Variants in TMEM126B observed in about 807,000 individuals in gnomAD.
The protein encoded by TMEM126B is complex I assembly factor TMEM126B, mitochondrial.
A neutral mutation model predicts 16.5 loss-of-function variants in TMEM126B; 19 were observed. The observed-to-expected ratio is 1.15, with a 90% CI of 0.80 to 1.69. The LOEUF (loss-of-function observed/expected upper bound fraction) is 1.69. Among genes scored for constraint, TMEM126B ranks in the 40% most tolerant of loss-of-function variants. The probability of loss-of-function intolerance (pLI) is 0.00; values close to 1 mark genes in which losing one functional copy is unlikely to be tolerated. For missense variants in TMEM126B, 293 were observed against 278.7 expected (o/e 1.05, Z -0.37); for synonymous variants, 104 against 93.2 (o/e 1.12, Z -0.67).
Position 85,634,153 on chromosome 11 carries a change from T to C in TMEM126B, c.271T>C (p.Phe91Leu). The C allele has an allele frequency of 6.2e-7, 1 of 1,613,840 alleles. No individual in the cohort carries two copies. Among genetic ancestry groups the C allele is most frequent in the African/African-American group, 1.3e-5 (1 of 75,042 alleles). ...TGGTTTCTCTGGAATATTCTCAAAC[T>C]TCCTGTTCAGACGCTGCTTCAAGGT... ...TAGFSGIFSN[F>L]LFRRCFKVKH... Residue 91 changes from phenylalanine to leucine, a missense_variant, in exon 3 of 5, where the codon TTC becomes CTC. Phe to Leu is a conservative substitution (Grantham distance 22). Coordinates refer to ENST00000358867, the MANE Select transcript of TMEM126B (RefSeq NM_018480.7).
intron 1 of TMEM126B, chr11:85,631,372 T>G (rs2082293623): frequency 1.7e-6 from 2 of 1,154,208 alleles, no homozygotes; most frequent in Non-Finnish European, 2.2e-6. Flanking sequence ...GACCTTCAGT[T>G]TGCTCATATG....
rs1375964681 is a variant in TMEM126B, at chr11:85,636,181, T to C, written c.645T>C (p.His215=). Residue 215 remains histidine, a synonymous_variant, in exon 5 of 5, where the codon CAT becomes CAC. Transcript: ENST00000358867. The part of the protein sequence containing the change: ...IMFGILNGLY[H]YAVFEETLEK... ...TTGGAATATTAAATGGTCTATACCA[T>C]TATGCAGTATTTGAAGAGACACTTG... is the stretch of plus-strand genomic sequence containing the variant. 1.3e-6 allele frequency: 2 copies of C among 1,592,760 alleles called. No homozygotes were observed. Among genetic ancestry groups the C allele is most frequent in the East Asian group, 2.3e-5 (1 of 44,432 alleles).
chr11:85,629,784 C>G (rs1202586849), intron 1 of TMEM126B, among the ~76,000 whole-genome samples: 2 of 152,084 alleles, frequency 1.3e-5, no homozygotes, highest in Non-Finnish European at 2.9e-5. Context: ...TGTTACTATC[C>G]CTTATACTTT....
At chr11:85,629,173 G>T (rs1361010452) in intron 1 of TMEM126B, 1 of 1,255,620 alleles carries the variant, frequency 8.0e-7, no homozygotes, top group East Asian at 5.6e-5. Flanking sequence ...GATTCCTGAG[G>T]ATGGGATGAC....
intron 1 of TMEM126B, among the ~76,000 whole-genome samples, chr11:85,629,737 G>T (rs2082228608): frequency 6.6e-6 from 1 of 152,204 alleles, no homozygotes; most frequent in African/African-American, 2.4e-5. Context: ...AGATGTCTTA[G>T]TACAATAGAT....
intron 1 of TMEM126B, chr11:85,629,307 A>G (rs544421596): frequency 8.7e-7 from 1 of 1,151,732 alleles, no homozygotes; most frequent in East Asian, 5.8e-5. Context: ...AGGTAAAATA[A>G]TACACATGAA....
chr11:85,632,596 A>ATTATTTTATT (rs146901763), intron 2 of TMEM126B, among the ~76,000 whole-genome samples: 7 of 151,774 alleles, frequency 4.6e-5, no homozygotes, highest in African/African-American at 1.7e-4. Flanking sequence ...TCTTGGACAA[A>ATTATTTTATT]TTATTTTATT....
intron 2 of TMEM126B, among the ~76,000 whole-genome samples, chr11:85,632,890 G>A (rs534639022): frequency 6.6e-6 from 1 of 151,976 alleles, no homozygotes; most frequent in African/African-American, 2.4e-5. Context: ...CCATGCTGGT[G>A]TGCTGCACCC....
rs1279031028 is a variant in TMEM126B at position 85,631,014 on chromosome 11, A to G, written c.82-673A>G. 7.3e-6 allele frequency: 4 copies of G among 550,056 alleles called. No homozygotes were observed. The African/African-American group carries it at 7.8e-5, about 11-fold the overall frequency. The allele number at this position is 550,056 out of a possible 1,614,324, so 34.1% of individuals were successfully genotyped here. On this transcript the variant is annotated intron_variant, in intron 1 of 4. Coordinates refer to ENST00000358867, the MANE Select transcript of TMEM126B (RefSeq NM_018480.7). ...CACAGGTGGTAATAGGGAACTGGAT[A>G]TATAATTTATGTACTCCAAAGTAGT...
chr11:85,631,860 G>C, intron 2 of TMEM126B, 52 bp downstream of exon 2: 6 of 1,535,340 alleles, frequency 3.9e-6, no homozygotes, highest in Non-Finnish European at 5.3e-6. Context: ...CAAGTCTTTT[G>C]TATTGCCATT....
rs2082305840 is a variant in TMEM126B, at chr11:85,631,818, A to G, written c.203+10A>G. 3.1e-6 allele frequency: 5 copies of G among 1,588,562 alleles called. No individual in the cohort carries two copies. The highest frequency in any genetic ancestry group is 3.4e-6 in the Non-Finnish European group (4 of 1,174,640). ...ATCTTAGAAAAGAAATGTAAGAGAAATGCCCAGGCTGAAAATCAGTCATTT... is the reference window on the plus strand; with the variant it reads ...ATCTTAGAAAAGAAATGTAAGAGAAGTGCCCAGGCTGAAAATCAGTCATTT... On this transcript the variant is annotated intron_variant, in intron 2 of 4. Transcript: ENST00000358867.
At chr11:85,634,306 C>A (rs761483292) in intron 3 of TMEM126B, 27 bp downstream of exon 3, 1 of 1,541,464 alleles carries the variant, frequency 6.5e-7, no homozygotes, top group South Asian at 1.1e-5. Context: ...TAATGTATAA[C>A]GTAGTTATGT....
At chr11:85,633,003 C>T (rs2153307000) in intron 2 of TMEM126B, among the ~76,000 whole-genome samples, 1 of 152,188 alleles carries the variant, frequency 6.6e-6, no homozygotes, top group Non-Finnish European at 1.5e-5. Context: ...CTTCCTGTGT[C>T]CATGTGTTCT....
intron 2 of TMEM126B, among the ~76,000 whole-genome samples, chr11:85,633,778 T>C (rs940748551): frequency 2.6e-5 from 4 of 152,232 alleles, no homozygotes; most frequent in Admixed American, 2.6e-4. Context: ...TTGGCTGCAT[T>C]GGAACATATT....
chr11:85,631,185 G>A (rs1439084687), intron 1 of TMEM126B: 4 of 1,290,450 alleles, frequency 3.1e-6, no homozygotes, highest in Non-Finnish European at 4.0e-6. Context: ...AATCTTTCAT[G>A]AGAAACTGAG....
chr11:85,635,723 G>A lies in TMEM126B; in HGVS notation c.454G>A (p.Gly152Ser). The A allele has an allele frequency of 6.2e-7, 1 of 1,609,616 alleles. No individual in the cohort carries two copies. The highest frequency in any genetic ancestry group is 8.5e-7 in the Non-Finnish European group (1 of 1,178,916). Residue 152 changes from glycine to serine, a missense_variant, in exon 4 of 5, where the codon GGT becomes AGT. By Grantham distance (56) the Gly-to-Ser change is moderately conservative. Transcript: ENST00000358867. ...AAGCTCACTGATTGGCATAGTTTGT[G>A]GTGTTTTCTATCCCAGTTCTTTGGC... ...FRSSLIGIVC[G>S]VFYPSSLAFT...
At chr11:85,635,955 C>G (rs879367044) in intron 4 of TMEM126B, 91 bp from the exon 5 acceptor site, 3 of 1,370,020 alleles carry the variant, frequency 2.2e-6, no homozygotes, top group South Asian at 3.0e-5. Flanking sequence ...CATTATAGAT[C>G]TAGAAAGGCA....
chr11:85,632,010 G>A (rs919644846), intron 2 of TMEM126B, among the ~76,000 whole-genome samples: 31 of 152,096 alleles, frequency 2.0e-4, no homozygotes, highest in African/African-American at 6.3e-4. Context: ...GGAATATTTC[G>A]GATTGTGGAT....
intron 1 of TMEM126B, chr11:85,631,214 C>G: frequency 7.8e-7 from 1 of 1,290,014 alleles, no homozygotes; most frequent in East Asian, 5.6e-5. Flanking sequence ...TGTCAATAAG[C>G]AGCCACTGTT....
Sources: allele counts gnomAD v4.1 joint callset (sites outside exome capture counted in the v4.1 genomes callset), GRCh38; gene constraint gnomAD v4.1.1; transcripts MANE v1.5; gene names NCBI Gene and HGNC (gene_info 2026-07-23, HGNC 2026-07-21).